The following USP16 variants were observed in gnomAD, a reference collection of about 807,000 sequenced individuals.
USP16 encodes ubiquitin carboxyl-terminal hydrolase 16.
Under a neutral mutation model 95.9 loss-of-function variants are expected in USP16, and 77 were observed. That is an observed-to-expected ratio of 0.80 (90% CI 0.67 to 0.97). USP16 has a LOEUF of 0.97. Ranked by LOEUF, USP16 falls within the 50% of genes least tolerant of loss-of-function variation. The pLI, the probability that USP16 is intolerant of heterozygous loss-of-function variation, is 0.00. For synonymous variants in USP16, 303 were observed against 318.2 expected, an observed-to-expected ratio of 0.95 and a Z score of 0.51; for missense variants, 943 against 959.9, an observed-to-expected ratio of 0.98 and a Z score of 0.23.
At chr21:29,037,551 T>G in intron 6 of USP16, 88 bp downstream of exon 6, 1 of 1,043,152 alleles carries the variant, frequency 9.6e-7, no homozygotes, top group East Asian at 2.9e-5. Flanking sequence ...TCCACCTGAG[T>G]AATTTATTTC....
intron 2 of USP16, 51 bp downstream of exon 2, chr21:29,028,025 T>G: frequency 7.2e-7 from 1 of 1,387,274 alleles, no homozygotes; most frequent in South Asian, 1.2e-5. Context: ...AATGAATATG[T>G]TTTAAAATGT....
chr21:29,042,586 G>C, intron 12 of USP16, 58 bp downstream of exon 12: 1 of 1,475,546 alleles, frequency 6.8e-7, no homozygotes. Flanking sequence ...AGATTTTGTG[G>C]GGGGAAGCCT....
In USP16 at chr21:29,030,665, A is replaced by G; in HGVS notation, c.132A>G (p.Glu44=). Residue 44 remains glutamate (E), a synonymous_variant, in exon 3 of 18, where the codon GAA becomes GAG. Coordinates refer to ENST00000399976, the MANE Select transcript of USP16 (RefSeq NM_006447.3). The stretch of plus-strand genomic sequence containing the variant: ...TGAAAAAGGCTTTAGTGAATGTGGA[A>G]TGGAATATCTGCCAAGACTGTAAGA... ...GNLKKALVNV[E]WNICQDCKTD... The G allele has an allele frequency of 6.2e-7, 1 of 1,614,048 alleles. No homozygotes were observed. Among genetic ancestry groups the G allele is most frequent in the Non-Finnish European group, 8.5e-7 (1 of 1,179,992 alleles).
Position 29,048,035 on chromosome 21 carries a change from C to T in USP16, c.2011+714C>T, listed in dbSNP as rs561819091. Reference sequence around the variant, plus strand: ...TACTTTTTGTCTGTATATATATCAGCTCAGAGACGATACGTGTGTGTGTGT... The same window carrying T: ...TACTTTTTGTCTGTATATATATCAGTTCAGAGACGATACGTGTGTGTGTGT... On this transcript the variant is annotated intron_variant, in intron 14 of 17. Coordinates refer to ENST00000399976, the MANE Select transcript of USP16 (RefSeq NM_006447.3). Among the ~76,000 whole-genome samples, 61 of 145,134 alleles carry T rather than the reference C, an allele frequency of 4.2e-4. 1 individual carries two copies. In the South Asian group the frequency reaches 7.4e-3, roughly 18 times the overall value.
chr21:29,034,035 A>T (rs1487718154), intron 3 of USP16, among the ~76,000 whole-genome samples: 1 of 152,232 alleles, frequency 6.6e-6, no homozygotes, highest in Non-Finnish European at 1.5e-5. Flanking sequence ...TGTGGGAGTT[A>T]ACACTGGAGA....
intron 1 of USP16, chr21:29,025,635 C>A: frequency 2.1e-6 from 1 of 483,486 alleles, no homozygotes; most frequent in Non-Finnish European, 2.7e-6. Flanking sequence ...AATCCTCAAA[C>A]CAGATTTACT....
chr21:29,044,602 C>T (rs945016102), intron 13 of USP16, among the ~76,000 whole-genome samples: 9 of 151,894 alleles, frequency 5.9e-5, no homozygotes, highest in South Asian at 4.1e-4. Flanking sequence ...CATGTGCCAC[C>T]GTACCTGGCT....
At chr21:29,045,346 A>G (rs538843085) in intron 13 of USP16, among the ~76,000 whole-genome samples, 4 of 152,318 alleles carry the variant, frequency 2.6e-5, no homozygotes, top group African/African-American at 7.2e-5. Flanking sequence ...CATTTCAGTA[A>G]CAGGAATCTT....
chr21:29,038,541 A>G, intron 7 of USP16, 111 bp downstream of exon 7: 1 of 839,438 alleles, frequency 1.2e-6, no homozygotes, highest in Non-Finnish European at 1.9e-6. Flanking sequence ...GTTTTGTTTT[A>G]CTTTAGGCTA....
intron 12 of USP16, 117 bp from the exon 13 acceptor site, chr21:29,043,305 TG>T: frequency 1.4e-6 from 1 of 698,512 alleles, no homozygotes; most frequent in Non-Finnish European, 2.0e-6. Context: ...TCAAATATTG[TG>T]GAAAAAAAAA....
rs373351842 is a variant in USP16, at chr21:29,046,862, C to G, written c.1552C>G (p.Gln518Glu). The change falls in exon 14 of 18, where the codon CAA becomes GAA. Residue 518 changes from glutamine (Q) to glutamate (E), a missense_variant. Gln to Glu is a conservative substitution (Grantham distance 29, BLOSUM62 2). Transcript: ENST00000399976. Reference protein sequence around the residue: ...YCVNQKDLNGQAKMIESVTDN... With the variant: ...YCVNQKDLNGEAKMIESVTDN... ...TGTCAACCAGAAAGATTTGAATGGC[C>G]AAGCAAAAATGATCGAAAGTGTAAC... 47 of 1,613,936 alleles carry G rather than the reference C, an allele frequency of 2.9e-5. No homozygotes were observed. In the African/African-American group the frequency reaches 5.5e-4, roughly 19 times the overall value.
Position 29,054,430 on chromosome 21 carries a change from G to T in USP16, c.*243G>T. 1 of 483,984 alleles carries T rather than the reference G, an allele frequency of 2.1e-6. No individual in the cohort carries two copies. Among genetic ancestry groups the T allele is most frequent in the Non-Finnish European group, 3.6e-6 (1 of 277,996 alleles). 30.0% of individuals were successfully genotyped at this position (483,984 alleles called of 1,614,324 possible). A position where few individuals can be genotyped will look rare whatever the true frequency, so the allele number is the denominator to read the frequency against. ...AAATCCTGAATTACTTAAGTACTTT[G>T]TGTTTAATATATCTGGGTGATGGAT... is the stretch of plus-strand genomic sequence containing the variant. On this transcript the variant is annotated 3_prime_UTR_variant, in exon 18 of 18. Transcript: ENST00000399976.
intron 1 of USP16, chr21:29,025,685 T>C: frequency 1.0e-6 from 1 of 965,744 alleles, no homozygotes; most frequent in African/African-American, 1.8e-5. Flanking sequence ...ACTTCTCATT[T>C]TTCACCCTTT....
intron 1 of USP16, 184 bp downstream of exon 1, chr21:29,024,961 C>G: frequency 1.8e-6 from 1 of 547,526 alleles, no homozygotes; most frequent in Non-Finnish European, 2.7e-6. Context: ...AGAAGCTGGC[C>G]AATGAGATGC....
intron 2 of USP16, 89 bp downstream of exon 2, chr21:29,028,063 GTTATA>G: frequency 1.1e-6 from 1 of 916,210 alleles, no homozygotes; most frequent in Non-Finnish European, 1.7e-6. Flanking sequence ...GCATATTATT[GTTATA>G]TTATCTGCAT....
At position 29,046,948 on chromosome 21, in the gene USP16, G is replaced by A. The variant is rs1485544855; in HGVS notation, c.1638G>A (p.Leu546=). 6.2e-7 allele frequency: 1 copy of A among 1,614,106 alleles called. No homozygotes were observed. The highest frequency in any genetic ancestry group is 8.5e-7 in the Non-Finnish European group (1 of 1,180,012). Residue 546 remains leucine, a synonymous_variant, in exon 14 of 18, where the codon CTG becomes CTA. Transcript: ENST00000399976. ...DMKNINMDND[L]EVLTSSPTRN... ...AAAATATCAACATGGATAATGATCT[G>A]GAGGTTTTAACATCTTCTCCCACTA...
chr21:29,025,874 G>T (rs1031537290), intron 1 of USP16: 2 of 264,214 alleles, frequency 7.6e-6, no homozygotes, highest in African/African-American at 4.6e-5. Flanking sequence ...AACTGTGCTT[G>T]AAACCATTTA....
At chr21:29,042,807 C>T (rs1235291293) in intron 12 of USP16, 2 of 273,240 alleles carry the variant, frequency 7.3e-6, no homozygotes, top group African/African-American at 2.2e-5. Flanking sequence ...AAAATTAATA[C>T]TTATTTTTGT....
chr21:29,043,850 A>C (rs1301815203), intron 13 of USP16, among the ~76,000 whole-genome samples: 1 of 152,200 alleles, frequency 6.6e-6, no homozygotes, highest in African/African-American at 2.4e-5. Context: ...AAGTTTAATT[A>C]ACTTAATTTT....
Sources: allele counts gnomAD v4.1 joint callset (sites outside exome capture counted in the v4.1 genomes callset), GRCh38; gene constraint gnomAD v4.1.1; transcripts MANE v1.5; gene names NCBI Gene and HGNC (gene_info 2026-07-23, HGNC 2026-07-21).